RASEF: variants seen among roughly 807,000 people sequenced by gnomAD.
The protein encoded by RASEF is RAS and EF-hand domain containing.
RASEF carries 68 observed loss-of-function variants against 90.1 expected under a neutral mutation model. The observed-to-expected ratio is 0.75, with a 90% CI of 0.62 to 0.92. The LOEUF is 0.92. Ranked by LOEUF, RASEF falls within the 40% of genes least tolerant of loss-of-function variation. The pLI is 0.00. For synonymous variants in RASEF, 331 were observed against 345.2 expected, an observed-to-expected ratio of 0.96 and a Z score of 0.46; for missense variants, 949 against 937.2, an observed-to-expected ratio of 1.01 and a Z score of -0.16.
intron 13 of RASEF, among the ~76,000 whole-genome samples, 178 bp downstream of exon 13, chr9:82,998,187 G>A (rs1436724826): frequency 6.6e-6 from 1 of 152,188 alleles, no homozygotes; most frequent in Non-Finnish European, 1.5e-5. Context: ...TGAAGGAGAT[G>A]TGCGAGAATA....
At chr9:83,177,987 T>TTAC in the RASEF span, among the ~76,000 whole-genome samples, 1 of 152,152 alleles carries the variant, frequency 6.6e-6, no homozygotes, top group African/African-American at 2.4e-5. Context: ...TTATTCAAGC[T>TTAC]TACTAATTCT....
intron 1 of RASEF, among the ~76,000 whole-genome samples, chr9:83,033,631 G>C (rs1829686142): frequency 6.6e-6 from 1 of 152,222 alleles, no homozygotes; most frequent in African/African-American, 2.4e-5. Context: ...TTTAAAGCAA[G>C]AGATGACATG....
chr9:83,019,390 A>G (rs1829402675), intron 3 of RASEF, among the ~76,000 whole-genome samples: 1 of 152,204 alleles, frequency 6.6e-6, no homozygotes, highest in Non-Finnish European at 1.5e-5. Flanking sequence ...ACTAGTCATT[A>G]GAGAGATGCA....
At chr9:83,200,605 G>A in the RASEF span, among the ~76,000 whole-genome samples, 1 of 152,046 alleles carries the variant, frequency 6.6e-6, no homozygotes, top group Non-Finnish European at 1.5e-5. Flanking sequence ...TCCCTTTGCT[G>A]CCTTATTTTC....
intron 1 of RASEF, among the ~76,000 whole-genome samples, chr9:83,040,122 C>T (rs1194667102): frequency 6.6e-6 from 1 of 152,162 alleles, no homozygotes; most frequent in Non-Finnish European, 1.5e-5. Context: ...TCCTCCCTCG[C>T]CTCCCAGCCA....
the RASEF span, among the ~76,000 whole-genome samples, chr9:83,146,419 C>A: frequency 9.2e-5 from 14 of 152,136 alleles, no homozygotes; most frequent in Non-Finnish European, 1.6e-4. Flanking sequence ...ACACATATGT[C>A]CCTTTGAGTG....
the RASEF span, among the ~76,000 whole-genome samples, chr9:83,077,500 G>C: frequency 6.6e-6 from 1 of 151,996 alleles, no homozygotes; most frequent in Non-Finnish European, 1.5e-5. Context: ...TCCCCTATCA[G>C]AGTGAAAATG....
intron 12 of RASEF, among the ~76,000 whole-genome samples, chr9:82,999,620 T>G (rs954431572): frequency 2.6e-5 from 4 of 151,986 alleles, no homozygotes; most frequent in Admixed American, 6.6e-5. Context: ...TTTTTTTTTT[T>G]TGTGGCAGGG....
At chr9:83,190,486 G>A in the RASEF span, among the ~76,000 whole-genome samples, 5 of 151,614 alleles carry the variant, frequency 3.3e-5, no homozygotes, top group African/African-American at 4.9e-5. Context: ...GTGCTATCTC[G>A]AGTCTTTGAG....
At chr9:83,053,065 TG>T (rs1208706427) in intron 1 of RASEF, among the ~76,000 whole-genome samples, 1 of 60,960 alleles carries the variant, frequency 1.6e-5, no homozygotes, top group African/African-American at 9.9e-5. Flanking sequence ...TAGGTCTGCT[TG>T]GTGCAGAGCT....
In RASEF at chr9:83,022,401, A is replaced by G; in HGVS notation, c.604T>C (p.Leu202=). ...TCCATTTCCTCTTCCAACTCACTCAACTGCATAGCTGCCTTGTCCTGGGCT... is the reference window on the plus strand; with the variant it reads ...TCCATTTCCTCTTCCAACTCACTCAGCTGCATAGCTGCCTTGTCCTGGGCT... ...KRAQDKAAMQ[L]SELEEEMDQR... The change falls in exon 3 of 17, where the codon TTG becomes CTG. Residue 202 remains leucine, a synonymous_variant. Coordinates refer to ENST00000376447, the MANE Select transcript of RASEF (RefSeq NM_152573.4). 1.2e-6 allele frequency: 2 copies of G among 1,613,878 alleles called. No homozygotes were observed. The highest frequency in any genetic ancestry group is 1.1e-5 in the South Asian group (1 of 91,070).
the RASEF span, among the ~76,000 whole-genome samples, chr9:83,121,974 T>A: frequency 6.6e-6 from 1 of 152,162 alleles, no homozygotes; most frequent in Admixed American, 6.5e-5. Context: ...CACACTTACA[T>A]TGTAGAGTTG....
chr9:83,060,223 T>G (rs1030133202), intron 1 of RASEF, among the ~76,000 whole-genome samples: 5 of 152,312 alleles, frequency 3.3e-5, no homozygotes, highest in Admixed American at 3.3e-4. Flanking sequence ...AAGACAATTC[T>G]CCCTTCAGAA....
chr9:83,062,339 AGG>A (rs10573978), intron 1 of RASEF, 96 bp downstream of exon 1: 595,349 of 1,057,864 alleles, frequency 0.56, 162,713 homozygotes, highest in African/African-American at 0.66. Flanking sequence ...AGAGAAGACT[AGG>A]GGGGGGGGCC....
the RASEF span, among the ~76,000 whole-genome samples, chr9:83,143,941 T>A: frequency 6.6e-6 from 1 of 152,186 alleles, no homozygotes; most frequent in East Asian, 1.9e-4. Context: ...AAGAAAATGG[T>A]ACATACACAC....
At chr9:83,115,896 C>T in the RASEF span, among the ~76,000 whole-genome samples, 1 of 151,466 alleles carries the variant, frequency 6.6e-6, no homozygotes, top group Non-Finnish European at 1.5e-5. Flanking sequence ...AAAAAAAAAG[C>T]TACAACTATT....
At chr9:83,197,388 C>T in the RASEF span, among the ~76,000 whole-genome samples, 1 of 152,262 alleles carries the variant, frequency 6.6e-6, no homozygotes, top group East Asian at 1.9e-4. Flanking sequence ...AATTCAGGTA[C>T]CAAGCTCACT....
At chr9:83,033,588 G>T (rs1170476029) in intron 1 of RASEF, among the ~76,000 whole-genome samples, 1 of 152,196 alleles carries the variant, frequency 6.6e-6, no homozygotes, top group Non-Finnish European at 1.5e-5. Flanking sequence ...GGTCGGCGGG[G>T]ATGTCCCGAA....
chr9:83,163,518 A>G, the RASEF span, among the ~76,000 whole-genome samples: 112,861 of 151,788 alleles, frequency 0.74, 42,219 homozygotes, highest in Middle Eastern at 0.85. Flanking sequence ...CATAAACAAG[A>G]AGATGAAAAT....
Sources: gnomAD v4.1 joint callset for allele counts (sites outside exome capture counted in the v4.1 genomes callset) on GRCh38, gnomAD v4.1.1 for gene constraint, MANE v1.5 for transcripts, NCBI Gene and HGNC (gene_info 2026-07-23, HGNC 2026-07-21) for gene names.